SLC35F1: variants seen among roughly 807,000 people sequenced by gnomAD.
The protein encoded by SLC35F1 is solute carrier family 35 member F1.
A neutral mutation model predicts 48.7 loss-of-function variants in SLC35F1; 14 were observed. The ratio of observed to expected loss-of-function variants is 0.29; its 90% CI spans 0.19 to 0.45. The LOEUF is 0.45. SLC35F1 is among the 20% of genes least tolerant of loss of function. The pLI, the probability that SLC35F1 is intolerant of heterozygous loss-of-function variation, is 1.00. For missense variants in SLC35F1, 404 were observed against 500.0 expected, an observed-to-expected ratio of 0.81 and a Z score of 1.83; for synonymous variants, 190 against 202.2, an observed-to-expected ratio of 0.94 and a Z score of 0.51.
intron 6 of SLC35F1, among the ~76,000 whole-genome samples, chr6:118,278,466 T>C (rs554569011): frequency 6.6e-6 from 1 of 152,274 alleles, no homozygotes; most frequent in African/African-American, 2.4e-5. Flanking sequence ...TACCTACCTG[T>C]CCCCATCCCC....
intron 1 of SLC35F1, among the ~76,000 whole-genome samples, chr6:118,148,781 A>T (rs934358991): frequency 1.3e-5 from 2 of 152,216 alleles, no homozygotes; most frequent in Admixed American, 6.5e-5. Flanking sequence ...AACCGGCACC[A>T]TATTTAGCAT....
At chr6:118,021,413 T>C (rs1777392059) in intron 1 of SLC35F1, among the ~76,000 whole-genome samples, 1 of 152,180 alleles carries the variant, frequency 6.6e-6, no homozygotes, top group South Asian at 2.1e-4. Context: ...CCTAAGTGAC[T>C]TTAGTAACAT....
intron 1 of SLC35F1, among the ~76,000 whole-genome samples, chr6:117,966,889 T>C (rs772430486): frequency 5.9e-5 from 9 of 152,210 alleles, no homozygotes; most frequent in African/African-American, 1.7e-4. Flanking sequence ...GACTTCAACA[T>C]GTGAATTGTG....
At chr6:117,953,420 A>G (rs1016060225) in intron 1 of SLC35F1, among the ~76,000 whole-genome samples, 1 of 152,202 alleles carries the variant, frequency 6.6e-6, no homozygotes, top group Non-Finnish European at 1.5e-5. Context: ...ATTTATATAC[A>G]TGTCATATAC....
intron 1 of SLC35F1, among the ~76,000 whole-genome samples, chr6:117,969,462 A>G (rs1472111151): frequency 2.0e-5 from 3 of 152,184 alleles, no homozygotes; most frequent in Non-Finnish European, 4.4e-5. Flanking sequence ...AAATATAATG[A>G]AAAGTATAAA....
intron 1 of SLC35F1, among the ~76,000 whole-genome samples, chr6:118,056,037 G>GT (rs932464081): frequency 1.3e-5 from 2 of 152,164 alleles, no homozygotes; most frequent in Admixed American, 1.3e-4. Context: ...TGGGTAATAG[G>GT]TCTATCAACA....
chr6:117,955,745 T>C (rs546262156), intron 1 of SLC35F1, among the ~76,000 whole-genome samples: 12 of 152,322 alleles, frequency 7.9e-5, no homozygotes, highest in African/African-American at 2.9e-4. Context: ...TTCAGTCTGG[T>C]GTTAGCCACT....
chr6:118,177,774 C>T (rs926871239), intron 2 of SLC35F1, among the ~76,000 whole-genome samples: 1 of 151,632 alleles, frequency 6.6e-6, no homozygotes, highest in Non-Finnish European at 1.5e-5. Flanking sequence ...TTTTTTTTAA[C>T]TTACTACTAT....
At chr6:118,007,622 A>G (rs1777190436) in intron 1 of SLC35F1, among the ~76,000 whole-genome samples, 1 of 152,176 alleles carries the variant, frequency 6.6e-6, no homozygotes, top group Non-Finnish European at 1.5e-5. Flanking sequence ...ATTTTATAAT[A>G]TGCTCATTAT....
intron 1 of SLC35F1, among the ~76,000 whole-genome samples, chr6:117,962,502 G>C (rs1160699738): frequency 6.6e-6 from 1 of 152,096 alleles, no homozygotes; most frequent in African/African-American, 2.4e-5. Flanking sequence ...AAAAGATTTT[G>C]ATTCCGTCTT....
intron 7 of SLC35F1, among the ~76,000 whole-genome samples, chr6:118,297,626 A>ATATAT (rs1554245906): frequency 8.1e-5 from 7 of 86,576 alleles, no homozygotes; most frequent in African/African-American, 3.4e-4. Flanking sequence ...CAGAACTTAT[A>ATATAT]TATATATATA....
At chr6:118,038,463 T>C (rs1280475551) in intron 1 of SLC35F1, among the ~76,000 whole-genome samples, 3 of 152,098 alleles carry the variant, frequency 2.0e-5, no homozygotes, top group African/African-American at 7.2e-5. Context: ...TAGATCAATT[T>C]GAGGAGTGCT....
At chr6:118,017,337 C>CG (rs1554222199) in intron 1 of SLC35F1, among the ~76,000 whole-genome samples, 3 of 151,914 alleles carry the variant, frequency 2.0e-5, no homozygotes, top group African/African-American at 7.3e-5. Flanking sequence ...GACAGGAAAA[C>CG]TTTTTTTTGT....
chr6:117,989,187 A>G (rs1178702816), intron 1 of SLC35F1, among the ~76,000 whole-genome samples: 1 of 152,330 alleles, frequency 6.6e-6, no homozygotes. Context: ...AGCAGCTCGA[A>G]TGTTACATTG....
chr6:118,211,628 G>A (rs989588866), intron 2 of SLC35F1, among the ~76,000 whole-genome samples: 2 of 152,290 alleles, frequency 1.3e-5, no homozygotes, highest in East Asian at 3.9e-4. Flanking sequence ...TACCCTTGAG[G>A]AGAGTTTATG....
At chr6:118,112,013 G>A (rs1773409122) in intron 1 of SLC35F1, among the ~76,000 whole-genome samples, 1 of 152,042 alleles carries the variant, frequency 6.6e-6, no homozygotes, top group African/African-American at 2.4e-5. Flanking sequence ...ACCCAGATTT[G>A]GGAGTGTCCA....
intron 1 of SLC35F1, among the ~76,000 whole-genome samples, chr6:118,033,375 T>C (rs2114894924): frequency 6.6e-6 from 1 of 152,336 alleles, no homozygotes; most frequent in South Asian, 2.1e-4. Flanking sequence ...AGATGCATAT[T>C]CCTTGGATTT....
In SLC35F1 at chr6:118,261,464, C is replaced by T. The variant is rs935243773; in HGVS notation, c.478-5531C>T. On this transcript the variant is annotated intron_variant, in intron 3 of 7. Transcript: ENST00000360388. ...GCATACACAAGCATAATAGTCAACA[C>T]ATTTTCTTTGTAGAAAATTTAAATT... is the stretch of plus-strand genomic sequence containing the variant. Among the ~76,000 whole-genome samples, 4 of 152,192 alleles carry T rather than the reference C, an allele frequency of 2.6e-5. No individual in the cohort carries two copies. In the East Asian group the frequency reaches 7.7e-4, roughly 29 times the overall value.
chr6:118,075,084 A>C (rs1163455210), intron 1 of SLC35F1, among the ~76,000 whole-genome samples: 1 of 152,194 alleles, frequency 6.6e-6, no homozygotes, highest in Admixed American at 6.5e-5. Context: ...AGAATGATGA[A>C]GCCATGTTCT....
Sources: gnomAD v4.1 joint callset for allele counts (sites outside exome capture counted in the v4.1 genomes callset) on GRCh38, gnomAD v4.1.1 for gene constraint, MANE v1.5 for transcripts, NCBI Gene and HGNC (gene_info 2026-07-23, HGNC 2026-07-21) for gene names.